EIPR1: variants seen among roughly 807,000 people sequenced by gnomAD.
EIPR1 encodes the protein EARP and GARP complex-interacting protein 1.
In EIPR1, 25 loss-of-function variants were observed where a neutral mutation model predicts 48.1. That is an observed-to-expected ratio of 0.52 (90% CI 0.38 to 0.73). EIPR1 has a LOEUF of 0.73. EIPR1 is among the 30% of genes least tolerant of loss of function. The pLI is 0.00. For synonymous variants in EIPR1, 204 were observed against 201.9 expected (o/e 1.01, Z -0.09); for missense variants, 415 against 506.2 (o/e 0.82, Z 1.73).
intron 4 of EIPR1, among the ~76,000 whole-genome samples, chr2:3,223,845 G>A (rs539587594): frequency 2.8e-4 from 43 of 152,032 alleles, no homozygotes; most frequent in Non-Finnish European, 5.0e-4. Context: ...TTCGTCCAGT[G>A]GACTCCCCAG....
intron 3 of EIPR1, among the ~76,000 whole-genome samples, chr2:3,297,066 T>C (rs1017675073): frequency 1.3e-5 from 2 of 152,184 alleles, no homozygotes; most frequent in African/African-American, 4.8e-5. Flanking sequence ...TCACTTCCTT[T>C]TGTCCATGAG....
At chr2:3,304,818 GT>G (rs1668872040) in intron 3 of EIPR1, among the ~76,000 whole-genome samples, 37 of 139,344 alleles carry the variant, frequency 2.7e-4, no homozygotes, top group African/African-American at 3.0e-4. Context: ...CTCCACTCCC[GT>G]CCAGTTCAGC....
chr2:3,298,945 C>T (rs1215990771), intron 3 of EIPR1, among the ~76,000 whole-genome samples: 1 of 152,152 alleles, frequency 6.6e-6, no homozygotes, highest in South Asian at 2.1e-4. Flanking sequence ...CCTTACCTAC[C>T]CCGCTCCTGC....
intron 1 of EIPR1, among the ~76,000 whole-genome samples, chr2:3,370,075 G>A (rs999787528): frequency 6.6e-6 from 1 of 152,164 alleles, no homozygotes; most frequent in African/African-American, 2.4e-5. Flanking sequence ...AACATTCGCG[G>A]ATCACGAAAA....
chr2:3,335,825 T>C (rs759271460), intron 3 of EIPR1, among the ~76,000 whole-genome samples: 2 of 151,854 alleles, frequency 1.3e-5, no homozygotes, highest in Non-Finnish European at 2.9e-5. Context: ...CCCACTGTGA[T>C]TGTGCGTTTC....
chr2:3,376,783 G>C (rs1045182434), intron 1 of EIPR1, among the ~76,000 whole-genome samples: 1 of 151,754 alleles, frequency 6.6e-6, no homozygotes, highest in African/African-American at 2.4e-5. Context: ...GCAGTGAACT[G>C]TGTTTCTATC....
Position 3,197,026 on chromosome 2 carries a change from G to A in EIPR1, c.517-9C>T, listed in dbSNP as rs1429771387. The A allele has an allele frequency of 2.5e-6, 4 of 1,612,704 alleles. No individual in the cohort carries two copies. In the South Asian group the frequency reaches 4.4e-5, roughly 18 times the overall value. ...GACGCTGAGCTGGCCAGCTGGGAGT[G>A]TCACGATGTTTTCCAAAGGAAGAAG... On this transcript the variant is annotated splice_polypyrimidine_tract_variant and intron_variant, in intron 5 of 8. Coordinates refer to ENST00000382125, the MANE Select transcript of EIPR1 (RefSeq NM_003310.5).
intron 3 of EIPR1, among the ~76,000 whole-genome samples, chr2:3,294,313 C>G (rs62121533): frequency 0.39 from 54,509 of 138,836 alleles, 9,963 homozygotes; most frequent in Non-Finnish European, 0.51. Flanking sequence ...AGCCGATCCT[C>G]TCTGCACACA....
intron 4 of EIPR1, among the ~76,000 whole-genome samples, chr2:3,226,464 G>A (rs1036554186): frequency 6.6e-6 from 1 of 152,076 alleles, no homozygotes; most frequent in Non-Finnish European, 1.5e-5. Context: ...TTCTAAACTG[G>A]GTTATTTTGT....
intron 2 of EIPR1, among the ~76,000 whole-genome samples, chr2:3,344,634 CTTTTTTTT>C (rs1178498027): frequency 9.4e-5 from 7 of 74,210 alleles, no homozygotes; most frequent in African/African-American, 3.5e-4. Flanking sequence ...GGTTCTGGTT[CTTTTTTTT>C]TTTTTTTTTT....
rs191690677 is a variant in EIPR1, at chr2:3,299,512, G to A, written c.259+38505C>T. 8.4e-3 allele frequency among the ~76,000 whole-genome samples: 1,271 copies of A among 152,056 alleles called. 11 individuals carry two copies. The highest frequency in any genetic ancestry group is 0.014 in the Non-Finnish European group (960 of 67,984). On this transcript the variant is annotated intron_variant, in intron 3 of 8. Transcript: ENST00000382125. The stretch of plus-strand genomic sequence containing the variant: ...AGTCCTTGGATTAGATTGGCTTTTT[G>A]TTTTAATGGGCAAATCATACTATTG...
At chr2:3,292,868 A>G (rs1357767455) in intron 3 of EIPR1, among the ~76,000 whole-genome samples, 1 of 152,234 alleles carries the variant, frequency 6.6e-6, no homozygotes. Context: ...GAAAAAAAAA[A>G]AAAACTAAAA....
At chr2:3,354,072 G>A (rs1158603780) in intron 2 of EIPR1, among the ~76,000 whole-genome samples, 4 of 152,160 alleles carry the variant, frequency 2.6e-5, no homozygotes, top group African/African-American at 7.2e-5. Flanking sequence ...CTAAGTGTCC[G>A]CTACAGTGAC....
intron 4 of EIPR1, among the ~76,000 whole-genome samples, chr2:3,229,727 T>A (rs776773888): frequency 6.6e-6 from 1 of 152,216 alleles, no homozygotes; most frequent in Non-Finnish European, 1.5e-5. Context: ...GATCTTCATT[T>A]TTTGCTTTAT....
At chr2:3,348,146 A>C (rs530495935) in intron 2 of EIPR1, among the ~76,000 whole-genome samples, 1 of 152,316 alleles carries the variant, frequency 6.6e-6, no homozygotes, top group African/African-American at 2.4e-5. Context: ...AAACAGATGC[A>C]GAACCAGATG....
chr2:3,295,633 TAC>T (rs1668547428), intron 3 of EIPR1, among the ~76,000 whole-genome samples: 1 of 44,912 alleles, frequency 2.2e-5, no homozygotes, highest in Non-Finnish European at 4.3e-5. Context: ...CCTCTCTACA[TAC>T]ACACACCCTC....
At chr2:3,200,196 C>A (rs1208667024) in intron 5 of EIPR1, among the ~76,000 whole-genome samples, 10 of 152,166 alleles carry the variant, frequency 6.6e-5, no homozygotes, top group Admixed American at 2.0e-4. Flanking sequence ...CGCTCCCTCC[C>A]AGCCCCAAGC....
intron 3 of EIPR1, among the ~76,000 whole-genome samples, chr2:3,272,610 TG>T (rs1230873768): frequency 6.6e-6 from 1 of 152,192 alleles, no homozygotes; most frequent in African/African-American, 2.4e-5. Context: ...CCATCTTACA[TG>T]GGCATGGTTC....
At chr2:3,373,151 G>T (rs1407318997) in intron 1 of EIPR1, among the ~76,000 whole-genome samples, 1 of 151,818 alleles carries the variant, frequency 6.6e-6, no homozygotes, top group Non-Finnish European at 1.5e-5. Flanking sequence ...CTCAATAGAT[G>T]CAGAAAAGGC....
Sources: gnomAD v4.1 joint callset for allele counts (sites outside exome capture counted in the v4.1 genomes callset) on GRCh38, gnomAD v4.1.1 for gene constraint, MANE v1.5 for transcripts, NCBI Gene and HGNC (gene_info 2026-07-23, HGNC 2026-07-21) for gene names.